The following SPNS3 variants were observed in gnomAD, a reference collection of about 807,000 sequenced individuals.
SPNS3 encodes SPNS lysolipid transporter 3, sphingosine-1-phosphate (putative).
SPNS3 carries 51 observed loss-of-function variants against 54.4 expected under a neutral mutation model. That is an observed-to-expected ratio of 0.94 (90% CI 0.75 to 1.18). The LOEUF (loss-of-function observed/expected upper bound fraction) is 1.18, where lower values mean the gene tolerates loss of function less well. SPNS3 is among the 50% of genes most tolerant of loss of function. The probability of loss-of-function intolerance (pLI) is 0.00; values close to 1 mark genes in which losing one functional copy is unlikely to be tolerated. For synonymous variants in SPNS3, 309 were observed against 294.7 expected, an observed-to-expected ratio of 1.05 and a Z score of -0.50; for missense variants, 669 against 677.4, an observed-to-expected ratio of 0.99 and a Z score of 0.14.
chr17:4,456,172 G>A (rs544938280), intron 8 of SPNS3, among the ~76,000 whole-genome samples: 2 of 151,948 alleles, frequency 1.3e-5, no homozygotes, highest in Non-Finnish European at 2.9e-5. Context: ...GCCTGGTCTC[G>A]AACCCCTGTC....
In SPNS3 at chr17:4,449,255, C is replaced by T. The variant is rs1167387579; in HGVS notation, c.791C>T (p.Thr264Ile). 1.2e-6 allele frequency: 2 copies of T among 1,611,798 alleles called. No homozygotes were observed. Among genetic ancestry groups the T allele is most frequent in the Non-Finnish European group, 1.7e-6 (2 of 1,179,824 alleles). Residue 264 changes from threonine (T) to isoleucine (I), a missense_variant, in exon 7 of 12, where the codon ACC becomes ATC. Physicochemically the swap from Thr to Ile is moderately conservative, Grantham distance 89 (BLOSUM62 -1). Transcript: ENST00000355530. ...LGKNWSFVWS[T>I]LGVTAMAFVT... The stretch of plus-strand genomic sequence containing the variant: ...TGCAGCTGGAGTTTCGTGTGGTCGA[C>T]CCTCGGAGTGACCGCCATGGCCTTT...
intron 8 of SPNS3, among the ~76,000 whole-genome samples, chr17:4,465,509 C>G (rs1244377412): frequency 6.6e-6 from 1 of 151,916 alleles, no homozygotes; most frequent in Non-Finnish European, 1.5e-5. Context: ...GGGAGGATTA[C>G]CTGAGATGAG....
At chr17:4,454,610 C>CTTT (rs55918406) in intron 8 of SPNS3, among the ~76,000 whole-genome samples, 61 of 76,384 alleles carry the variant, frequency 8.0e-4, no homozygotes, top group East Asian at 2.7e-3. Context: ...CCAAATAAAG[C>CTTT]TTTTTTTTTT....
At position 4,486,647 on chromosome 17, in the gene SPNS3, C is replaced by CA; in HGVS notation, c.1450+65dup. On this transcript the variant is annotated intron_variant, in intron 11 of 11. Coordinates refer to ENST00000355530, the MANE Select transcript of SPNS3 (RefSeq NM_182538.5). The surrounding 1 kb of genome is among the most constrained non-coding windows in gnomAD (Gnocchi z 5.5). ...CACCCTAGGGACAGACAGCACTGGC[C>CA]ACCCCCTGAATCCCTGGCCAGTTTG... The CA allele has an allele frequency of 6.6e-7, 1 of 1,504,558 alleles. No homozygotes were observed. Among genetic ancestry groups the CA allele is most frequent in the Non-Finnish European group, 9.0e-7 (1 of 1,112,302 alleles). The allele number at this position is 1,504,558 out of a possible 1,614,324, so 93.2% of individuals were successfully genotyped here.
chr17:4,476,001 G>A (rs1027432656), intron 8 of SPNS3, among the ~76,000 whole-genome samples: 44 of 152,294 alleles, frequency 2.9e-4, no homozygotes, highest in Admixed American at 8.5e-4. Flanking sequence ...GCGTCGTACC[G>A]TTGGGGAAAC....
rs1241040957 is a variant in SPNS3, at chr17:4,486,906, G to A, written c.1450+323G>A. Reference sequence around the variant, plus strand: ...AAGGAGAAAGGGGCCGGGCGCGGTGGCTCACACCTGTAATCCCAGTACTTG... The same window carrying A: ...AAGGAGAAAGGGGCCGGGCGCGGTGACTCACACCTGTAATCCCAGTACTTG... On this transcript the variant is annotated intron_variant, in intron 11 of 11. Coordinates refer to ENST00000355530, the MANE Select transcript of SPNS3 (RefSeq NM_182538.5). This position sits in a 1 kb window ranked among gnomAD's most constrained non-coding sequence, Gnocchi z 5.5. Among the ~76,000 whole-genome samples, 1 of 152,136 alleles carries A rather than the reference G, an allele frequency of 6.6e-6. No homozygotes were observed. Among genetic ancestry groups the A allele is most frequent in the Admixed American group, 6.5e-5 (1 of 15,274 alleles).
chr17:4,488,108 C>T lies in SPNS3; in HGVS notation c.*214C>T, dbSNP rs907253282. On this transcript the variant is annotated 3_prime_UTR_variant, in exon 12 of 12. Coordinates refer to ENST00000355530, the MANE Select transcript of SPNS3 (RefSeq NM_182538.5). Reference sequence around the variant, plus strand: ...GAGGCCTGGGCCTGTGCCTGCATCCCGCTCAAGGCTGCCCCAGCCTGGGGT... The same window carrying T: ...GAGGCCTGGGCCTGTGCCTGCATCCTGCTCAAGGCTGCCCCAGCCTGGGGT... 2.8e-5 allele frequency: 16 copies of T among 578,000 alleles called. No homozygotes were observed. Among genetic ancestry groups the T allele is most frequent in the South Asian group, 6.3e-5 (3 of 47,900 alleles). 35.8% of individuals were successfully genotyped at this position (578,000 alleles called of 1,614,324 possible).
At chr17:4,439,424 C>A (rs1970792777) in intron 1 of SPNS3, among the ~76,000 whole-genome samples, 1 of 152,162 alleles carries the variant, frequency 6.6e-6, no homozygotes, top group Non-Finnish European at 1.5e-5. Flanking sequence ...CCGTGCCCAG[C>A]CAAGGGATGC....
intron 1 of SPNS3, 84 bp downstream of exon 1, chr17:4,434,250 C>T: frequency 7.5e-7 from 1 of 1,325,096 alleles, no homozygotes; most frequent in South Asian, 1.4e-5. Context: ...GCCTTCCAGC[C>T]ATCACCCATC....
rs775040538 is a variant in SPNS3, at chr17:4,448,354, C to T, written c.770+51C>T. 3 of 1,437,750 alleles carry T rather than the reference C, an allele frequency of 2.1e-6. No individual in the cohort carries two copies. In the East Asian group the frequency reaches 8.1e-5, roughly 39 times the overall value. 89.1% of individuals were successfully genotyped at this position (1,437,750 alleles called of 1,614,324 possible). On this transcript the variant is annotated intron_variant, in intron 6 of 11. Coordinates refer to ENST00000355530, the MANE Select transcript of SPNS3 (RefSeq NM_182538.5). ...AGGCACAGAAAAGCCCGTTTGTCTGCCCCAGCATCATTGACCCCCTCTCTC... is the reference window on the plus strand; with the variant it reads ...AGGCACAGAAAAGCCCGTTTGTCTGTCCCAGCATCATTGACCCCCTCTCTC...
chr17:4,474,644 T>G (rs1971941643), intron 8 of SPNS3, among the ~76,000 whole-genome samples: 1 of 152,136 alleles, frequency 6.6e-6, no homozygotes, highest in Admixed American at 6.5e-5. Flanking sequence ...AGGAGAGGTG[T>G]GCGTGTACGC....
chr17:4,437,676 T>TAAATA (rs71144197), intron 1 of SPNS3, among the ~76,000 whole-genome samples: 99,043 of 150,356 alleles, frequency 0.66, 33,376 homozygotes, highest in African/African-American at 0.74. Context: ...CAAAAATAAA[T>TAAATA]AAATAAAATA....
intron 1 of SPNS3, among the ~76,000 whole-genome samples, chr17:4,434,956 C>G (rs1970676531): frequency 6.6e-6 from 1 of 151,738 alleles, no homozygotes. Context: ...GCGCATACCA[C>G]CATGCCAGGC....
intron 8 of SPNS3, 85 bp downstream of exon 8, chr17:4,453,290 T>C: frequency 8.2e-7 from 1 of 1,217,154 alleles, no homozygotes; most frequent in Non-Finnish European, 1.2e-6. Context: ...CGCCCGGCCT[T>C]TATGTACAAT....
chr17:4,487,909 C>G lies in SPNS3; in HGVS notation c.*15C>G, dbSNP rs1012224159. On this transcript the variant is annotated 3_prime_UTR_variant, in exon 12 of 12. Coordinates refer to ENST00000355530, the MANE Select transcript of SPNS3 (RefSeq NM_182538.5). The stretch of plus-strand genomic sequence containing the variant: ...AGGAGCCCTGAGGTCCCTGCCTACA[C>G]TCGTCCTGCCTGCAAGCCTCCCGTT... 3.1e-6 allele frequency: 5 copies of G among 1,608,662 alleles called. No individual in the cohort carries two copies. The highest frequency in any genetic ancestry group is 2.7e-5 in the African/African-American group (2 of 74,904).
intron 8 of SPNS3, among the ~76,000 whole-genome samples, chr17:4,456,795 A>G (rs1419228766): frequency 6.6e-6 from 1 of 151,956 alleles, no homozygotes; most frequent in African/African-American, 2.4e-5. Flanking sequence ...GCTCACTGCA[A>G]CCTCTGCCTC....
Position 4,487,999 on chromosome 17 carries a change from A to G in SPNS3, c.*105A>G. On this transcript the variant is annotated 3_prime_UTR_variant, in exon 12 of 12. Coordinates refer to ENST00000355530, the MANE Select transcript of SPNS3 (RefSeq NM_182538.5). ...TCCTCGGGGACTCCGGCTGAGGCAC[A>G]TCTGCCACTTTTGAATTCCCGGCTG... 1.0e-6 allele frequency: 1 copy of G among 970,830 alleles called. No homozygotes were observed. Among genetic ancestry groups the G allele is most frequent in the Middle Eastern group, 2.3e-4 (1 of 4,382 alleles). 60.1% of individuals were successfully genotyped at this position (970,830 alleles called of 1,614,324 possible).
intron 1 of SPNS3, among the ~76,000 whole-genome samples, chr17:4,439,336 G>A (rs2143987688): frequency 6.6e-6 from 1 of 152,258 alleles, no homozygotes; most frequent in East Asian, 1.9e-4. Flanking sequence ...CGTTGACCAT[G>A]GCTGGTCTCA....
chr17:4,435,739 C>T (rs1395140386), intron 1 of SPNS3, among the ~76,000 whole-genome samples: 1 of 149,326 alleles, frequency 6.7e-6, no homozygotes, highest in Non-Finnish European at 1.5e-5. Context: ...TTCTGTCACT[C>T]ATTCACTAAC....
Sources: gnomAD v4.1 joint callset for allele counts (sites outside exome capture counted in the v4.1 genomes callset) on GRCh38, gnomAD v4.1.1 for gene constraint, Gnocchi (gnomAD v3.1) non-coding constraint, MANE v1.5 for transcripts, NCBI Gene and HGNC (gene_info 2026-07-23, HGNC 2026-07-21) for gene names.